Variants in MYBPH observed in about 807,000 individuals in gnomAD.
MYBPH encodes the protein myosin binding protein H.
In MYBPH, 49 loss-of-function variants were observed where a neutral mutation model predicts 53.6. The observed-to-expected ratio is 0.91, with a 90% confidence interval of 0.73 to 1.16. The LOEUF (loss-of-function observed/expected upper bound fraction) is 1.16. Among genes scored for constraint, MYBPH ranks in the 50% most tolerant of loss-of-function variants. The pLI is 0.00. For missense variants in MYBPH, 558 were observed against 624.1 expected (o/e 0.89, Z 1.13); for synonymous variants, 239 against 249.6 (o/e 0.96, Z 0.40).
chr1:203,174,290 G>A, intron 3 of MYBPH, 140 bp downstream of exon 3: 1 of 1,393,324 alleles, frequency 7.2e-7, no homozygotes, highest in Non-Finnish European at 9.4e-7. Flanking sequence ...AGGCAAGATG[G>A]TGATAGCGTG....
At position 203,171,966 on chromosome 1, in the gene MYBPH, G is replaced by C. The variant is rs748321207; in HGVS notation, c.583C>G (p.Gln195Glu). ...IRQVGETVNLQIPFQGKPKPQ... is the reference protein window; with the variant it reads ...IRQVGETVNLEIPFQGKPKPQ... ...GTAATACCCACCTGGAAGGGGATTT[G>C]CAGGTTGACCGTCTCTCCCACCTGG... Residue 195 changes from glutamine to glutamate, a missense_variant, in exon 4 of 11, where the codon CAA (glutamine) becomes GAA (glutamate). Coordinates refer to ENST00000255416, the MANE Select transcript of MYBPH (RefSeq NM_004997.3). This position sits in a 1 kb window ranked among gnomAD's most constrained non-coding sequence, Gnocchi z 4.2. The C allele has an allele frequency of 1.2e-5, 16 of 1,323,742 alleles. No homozygotes were observed. The highest frequency in any genetic ancestry group is 1.5e-5 in the African/African-American group (1 of 66,516). The allele number at this position is 1,323,742 out of a possible 1,614,324, so 82.0% of individuals were successfully genotyped here.
In MYBPH at chr1:203,175,358, C is replaced by G. The variant is rs769526786; in HGVS notation, c.309G>C (p.Gln103His). ...PPERLGRLGL[Q>H]GYVLELCREG... ...CTCTGCAGAGCTCCAGCACATAGCC[C>G]TGGAGGCCCAGCCTCCCCAGCCTCT... Residue 103 changes from glutamine (Q) to histidine (H), a missense_variant, in exon 2 of 11, where the codon CAG becomes CAC. By Grantham distance (24) the Gln-to-His change is conservative (BLOSUM62 0). Coordinates refer to ENST00000255416, the MANE Select transcript of MYBPH (RefSeq NM_004997.3). 21 of 1,527,076 alleles carry G rather than the reference C, an allele frequency of 1.4e-5. No individual in the cohort carries two copies. Among genetic ancestry groups the G allele is most frequent in the Admixed American group, 2.2e-5 (1 of 45,188 alleles). The allele number at this position is 1,527,076 out of a possible 1,614,324, so 94.6% of individuals were successfully genotyped here.
chr1:203,174,390 T>C (rs909771398), intron 3 of MYBPH, 40 bp downstream of exon 3: 1 of 1,526,382 alleles, frequency 6.6e-7, no homozygotes, highest in Non-Finnish European at 8.9e-7. Context: ...ATAAGGTGTT[T>C]GGGAAGGGCT....
In MYBPH at chr1:203,171,988, C is replaced by T. The variant is rs139927322; in HGVS notation, c.561G>A (p.Gln187=). The change falls in exon 4 of 11, where the codon CAG becomes CAA. Residue 187 remains glutamine, a synonymous_variant. Transcript: ENST00000255416. This position sits in a 1 kb window ranked among gnomAD's most constrained non-coding sequence, Gnocchi z 4.2. ...PRHLRQTYIR[Q]VGETVNLQIP... Reference sequence around the variant, plus strand: ...TTTGCAGGTTGACCGTCTCTCCCACCTGGCGGATGTAGGTCTGACGGAGGT... The same window carrying T: ...TTTGCAGGTTGACCGTCTCTCCCACTTGGCGGATGTAGGTCTGACGGAGGT... 29 of 1,325,740 alleles carry T rather than the reference C, an allele frequency of 2.2e-5. 1 individual carries two copies. The highest frequency in any genetic ancestry group is 2.7e-5 in the Non-Finnish European group (28 of 1,029,972). 82.1% of individuals were successfully genotyped at this position (1,325,740 alleles called of 1,614,324 possible).
At chr1:203,178,519 G>C (rs1655860899), upstream of MYBPH, among the ~76,000 whole-genome samples, 1 of 152,188 alleles carries the variant, frequency 6.6e-6, no homozygotes, top group Non-Finnish European at 1.5e-5. Context: ...TGGCCCTGAG[G>C]GTCCAGGGTT....
At chr1:203,169,123 A>C in intron 8 of MYBPH, 31 bp from the exon 9 acceptor site, 1 of 1,610,342 alleles carries the variant, frequency 6.2e-7, no homozygotes, top group African/African-American at 1.3e-5. Context: ...AGAGCTGGGG[A>C]GGTATGGACT....
Position 203,169,403 on chromosome 1 carries a change from A to G in MYBPH, c.1094-14T>C, listed in dbSNP as rs750005892. 2 of 1,557,366 alleles carry G rather than the reference A, an allele frequency of 1.3e-6. No homozygotes were observed. The highest frequency in any genetic ancestry group is 1.4e-5 in the African/African-American group (1 of 73,536). ...TGGCAGCAATATCTGGGTTCAGGGG[A>G]GAAAGTCGGGTGCATCTGAGCTTAC... On this transcript the variant is annotated splice_polypyrimidine_tract_variant and intron_variant, in intron 7 of 10. Coordinates refer to ENST00000255416, the MANE Select transcript of MYBPH (RefSeq NM_004997.3).
At chr1:203,176,167 C>T (rs370351917), upstream of MYBPH, among the ~76,000 whole-genome samples, 2 of 152,168 alleles carry the variant, frequency 1.3e-5, no homozygotes, top group South Asian at 2.1e-4. Flanking sequence ...GTGTGTCTGG[C>T]GTCTATGGGG....
At chr1:203,170,687 G>T (rs1039134239) in intron 6 of MYBPH, among the ~76,000 whole-genome samples, 1 of 152,136 alleles carries the variant, frequency 6.6e-6, no homozygotes, top group African/African-American at 2.4e-5. Flanking sequence ...GTGGCCCATG[G>T]ATGTGCAACT....
chr1:203,175,942 G>C, upstream of MYBPH: 1 of 607,028 alleles, frequency 1.6e-6, no homozygotes, highest in Non-Finnish European at 2.9e-6. Context: ...GAGGCGCCCA[G>C]GCCAGGAATA....
intron 2 of MYBPH, 79 bp from the exon 3 acceptor site, chr1:203,174,676 G>A (rs1229319171): frequency 7.4e-7 from 1 of 1,349,254 alleles, no homozygotes; most frequent in Non-Finnish European, 9.8e-7. Flanking sequence ...TTTCCTGCTG[G>A]TGATCTGGGG....
chr1:203,168,813 C>T, intron 9 of MYBPH, 93 bp downstream of exon 9: 2 of 1,581,526 alleles, frequency 1.3e-6, no homozygotes, highest in Non-Finnish European at 1.7e-6. Context: ...TCTTACCACC[C>T]CTTCTCTTCG....
chr1:203,172,282 G>T (rs1655716253), intron 3 of MYBPH, among the ~76,000 whole-genome samples: 1 of 152,122 alleles, frequency 6.6e-6, no homozygotes, highest in Non-Finnish European at 1.5e-5. Context: ...GTGTGAACTG[G>T]TAAGCATCCT....
intron 10 of MYBPH, 144 bp downstream of exon 10, chr1:203,168,483 C>T (rs909990668): frequency 3.6e-5 from 28 of 769,044 alleles, no homozygotes; most frequent in Admixed American, 6.3e-5. Context: ...TCTGGACATG[C>T]GTGCTAGTTG....
intron 3 of MYBPH, among the ~76,000 whole-genome samples, chr1:203,174,200 G>C (rs992850277): frequency 6.6e-6 from 1 of 152,200 alleles, no homozygotes; most frequent in Admixed American, 6.5e-5. Context: ...TTCTCAAGGC[G>C]TGGGGGCTGG....
At chr1:203,176,287 TC>T (rs1434794085), upstream of MYBPH, among the ~76,000 whole-genome samples, 2 of 152,198 alleles carry the variant, frequency 1.3e-5, no homozygotes, top group East Asian at 3.9e-4. Context: ...TTCCCTGGGC[TC>T]CCACAGTTCC....
rs543773987 is a variant in MYBPH, at chr1:203,174,198, G to A, written c.508+232C>T. 3.9e-5 allele frequency among the ~76,000 whole-genome samples: 6 copies of A among 152,326 alleles called. No individual in the cohort carries two copies. In the East Asian group the frequency reaches 1.2e-3, roughly 29 times the overall value. On this transcript the variant is annotated intron_variant, in intron 3 of 10. Coordinates refer to ENST00000255416, the MANE Select transcript of MYBPH (RefSeq NM_004997.3). ...TTTGTTTCTGAGCCCCTTTCTCAAG[G>A]CGTGGGGGCTGGACCACTCAGGGAA...
chr1:203,168,319 C>T (rs1655622537), intron 10 of MYBPH, among the ~76,000 whole-genome samples: 1 of 152,198 alleles, frequency 6.6e-6, no homozygotes, highest in Admixed American at 6.5e-5. Flanking sequence ...GTTGTTATCC[C>T]CAGTTTTCGG....
chr1:203,168,763 C>CCCTGCCGCTTT (rs1198613110), intron 9 of MYBPH, 88 bp from the exon 10 acceptor site: 1 of 1,598,988 alleles, frequency 6.3e-7, no homozygotes, highest in Non-Finnish European at 8.5e-7. Flanking sequence ...CACCTGTCCA[C>CCCTGCCGCTTT]CCTGCCGCTT....
Sources: allele counts gnomAD v4.1 joint callset (sites outside exome capture counted in the v4.1 genomes callset), GRCh38; gene constraint gnomAD v4.1.1; non-coding constraint Gnocchi (gnomAD v3.1); transcripts MANE v1.5; gene names NCBI Gene and HGNC (gene_info 2026-07-23, HGNC 2026-07-21).